Variants in LHPP observed in about 807,000 individuals in gnomAD.
The protein encoded by LHPP is hLHPP.
A neutral mutation model predicts 30.3 loss-of-function variants in LHPP; 24 were observed. The observed-to-expected ratio is 0.79, with a 90% CI of 0.57 to 1.11. The LOEUF (loss-of-function observed/expected upper bound fraction) is 1.11, where lower values mean the gene tolerates loss of function less well. Among genes scored for constraint, LHPP ranks in the 50% most tolerant of loss-of-function variants. LHPP has a pLI of 0.00. For missense variants in LHPP, 356 were observed against 367.2 expected, an observed-to-expected ratio of 0.97 and a Z score of 0.25; for synonymous variants, 150 against 157.1, an observed-to-expected ratio of 0.95 and a Z score of 0.34.
chr10:124,602,882 G>T (rs1949041984), intron 6 of LHPP, among the ~76,000 whole-genome samples: 1 of 152,214 alleles, frequency 6.6e-6, no homozygotes, highest in South Asian at 2.1e-4. Flanking sequence ...CTATTTCTGG[G>T]TTGCAACCGC....
intron 3 of LHPP, among the ~76,000 whole-genome samples, chr10:124,490,843 CA>C (rs1368955077): frequency 1.3e-5 from 2 of 152,032 alleles, no homozygotes; most frequent in African/African-American, 4.8e-5. Flanking sequence ...GGGTTCTGCA[CA>C]ACCTAGAGTT....
chr10:124,610,405 T>C (rs1949159964), intron 6 of LHPP, among the ~76,000 whole-genome samples: 3 of 145,102 alleles, frequency 2.1e-5, no homozygotes, highest in East Asian at 2.0e-4. Flanking sequence ...AGGGTGCTGG[T>C]GGAGCGGGTG....
Position 124,560,700 on chromosome 10 carries a change from C to T in LHPP, c.716+43429C>T, listed in dbSNP as rs1000424586. Among the ~76,000 whole-genome samples the T allele has an allele frequency of 3.3e-5, 5 of 152,314 alleles. No homozygotes were observed. In the Middle Eastern group the frequency reaches 0.014, roughly 414 times the overall value. On this transcript the variant is annotated intron_variant, in intron 6 of 6. Transcript: ENST00000368842. ...CCGGGGACGAGGGGCTGGAGCCTGG[C>T]CGGCCCAACTACAGAGGGGCCTGGG... is the stretch of plus-strand genomic sequence containing the variant.
At chr10:124,602,413 C>T (rs2134013021) in intron 6 of LHPP, among the ~76,000 whole-genome samples, 1 of 152,350 alleles carries the variant, frequency 6.6e-6, no homozygotes, top group South Asian at 2.1e-4. Flanking sequence ...AGTCTGCTAG[C>T]TAGAGGAGCC....
chr10:124,612,207 C>T (rs549394802), intron 6 of LHPP, among the ~76,000 whole-genome samples: 31 of 152,180 alleles, frequency 2.0e-4, no homozygotes, highest in East Asian at 1.9e-4. Context: ...AGTCGGAGAC[C>T]GGCCTGGCCA....
chr10:124,493,643 A>G (rs1204797487), intron 3 of LHPP: 2 of 152,198 alleles, frequency 1.3e-5, no homozygotes, highest in African/African-American at 4.8e-5. Context: ...GCTGTGCTGA[A>G]TAATCTGAAA....
At chr10:124,544,719 T>C (rs1955290999) in intron 6 of LHPP, among the ~76,000 whole-genome samples, 1 of 152,146 alleles carries the variant, frequency 6.6e-6, no homozygotes, top group African/African-American at 2.4e-5. Flanking sequence ...GGCCTCGGTG[T>C]TCTCGTCTCT....
At chr10:124,556,355 C>T (rs954990351) in intron 6 of LHPP, among the ~76,000 whole-genome samples, 1 of 152,210 alleles carries the variant, frequency 6.6e-6, no homozygotes, top group Non-Finnish European at 1.5e-5. Context: ...GTGCATTCTC[C>T]GGGGCCATCG....
chr10:124,497,762 C>T (rs754293089), intron 4 of LHPP, among the ~76,000 whole-genome samples: 6 of 152,138 alleles, frequency 3.9e-5, no homozygotes, highest in Admixed American at 6.5e-5. Context: ...CCCTTGGGAG[C>T]CCTGTAGTTT....
chr10:124,558,351 C>T (rs1948337140), intron 6 of LHPP, among the ~76,000 whole-genome samples: 1 of 152,238 alleles, frequency 6.6e-6, no homozygotes, highest in Admixed American at 6.5e-5. Flanking sequence ...TGTTGCTATG[C>T]ACAGCCCTTA....
At chr10:124,579,190 C>G (rs17152064) in intron 6 of LHPP, among the ~76,000 whole-genome samples, 1 of 152,218 alleles carries the variant, frequency 6.6e-6, no homozygotes, top group Non-Finnish European at 1.5e-5. Context: ...GAACATCTCC[C>G]GGGCCGAGCG....
Position 124,510,062 on chromosome 10 carries a change from G to A in LHPP, c.625-7118G>A, listed in dbSNP as rs750331937. 1.3e-5 allele frequency among the ~76,000 whole-genome samples: 2 copies of A among 151,944 alleles called. No homozygotes were observed. Among genetic ancestry groups the A allele is most frequent in the Admixed American group, 6.6e-5 (1 of 15,260 alleles). Reference sequence around the variant, plus strand: ...CTCTGGGACTGTGGCGCCTCCATCCGGCTCTCTGGATCCTGGGTTCTGGGG... The same window carrying A: ...CTCTGGGACTGTGGCGCCTCCATCCAGCTCTCTGGATCCTGGGTTCTGGGG... On this transcript the variant is annotated intron_variant, in intron 5 of 6. Coordinates refer to ENST00000368842, the MANE Select transcript of LHPP (RefSeq NM_022126.4). This position sits in a 1 kb window ranked among gnomAD's most constrained non-coding sequence, Gnocchi z 4.0.
intron 6 of LHPP, among the ~76,000 whole-genome samples, chr10:124,573,616 T>G (rs1589876090): frequency 6.6e-6 from 1 of 152,186 alleles, no homozygotes; most frequent in African/African-American, 2.4e-5. Context: ...CAGTCTTTAT[T>G]TGGATTTTAC....
At chr10:124,583,680 T>C (rs189345041) in intron 6 of LHPP, among the ~76,000 whole-genome samples, 1 of 152,290 alleles carries the variant, frequency 6.6e-6, no homozygotes, top group East Asian at 1.9e-4. Context: ...CGTATACTTC[T>C]AAATGACCAG....
At chr10:124,573,085 T>G (rs781652129) in intron 6 of LHPP, among the ~76,000 whole-genome samples, 3 of 152,266 alleles carry the variant, frequency 2.0e-5, no homozygotes, top group Non-Finnish European at 4.4e-5. Flanking sequence ...GCTTCTAGTT[T>G]TTTGCTACTT....
intron 6 of LHPP, among the ~76,000 whole-genome samples, chr10:124,557,732 A>G (rs1021185088): frequency 2.0e-5 from 3 of 152,078 alleles, no homozygotes; most frequent in Admixed American, 2.0e-4. Flanking sequence ...GTGGAGTCAC[A>G]TGATGCCAGG....
chr10:124,579,027 G>A (rs574714036), intron 6 of LHPP, among the ~76,000 whole-genome samples: 1 of 152,292 alleles, frequency 6.6e-6, no homozygotes, highest in South Asian at 2.1e-4. Context: ...CTCCCCTGAG[G>A]CTGTTCCAGG....
chr10:124,488,888 C>T (rs1367355654), intron 3 of LHPP, among the ~76,000 whole-genome samples: 1 of 151,972 alleles, frequency 6.6e-6, no homozygotes, highest in Non-Finnish European at 1.5e-5. Context: ...GTTGATTGTC[C>T]CAAGTTTAGA....
At chr10:124,482,536 C>T (rs188506520) in intron 1 of LHPP, among the ~76,000 whole-genome samples, 21 of 152,266 alleles carry the variant, frequency 1.4e-4, no homozygotes, top group African/African-American at 3.1e-4. Flanking sequence ...CAAATATGAC[C>T]GCTGCCTTGT....
Sources: allele counts gnomAD v4.1 joint callset (sites outside exome capture counted in the v4.1 genomes callset), GRCh38; gene constraint gnomAD v4.1.1; non-coding constraint Gnocchi (gnomAD v3.1); transcripts MANE v1.5; gene names NCBI Gene and HGNC (gene_info 2026-07-23, HGNC 2026-07-21).